The following BIRC6 variants were observed in gnomAD, a reference collection of about 807,000 sequenced individuals.
The protein encoded by BIRC6 is dual E2 ubiquitin-conjugating enzyme/E3 ubiquitin-protein ligase BIRC6.
BIRC6 carries 98 observed loss-of-function variants against 503.3 expected under a neutral mutation model. That is an observed-to-expected ratio of 0.19 (90% CI 0.17 to 0.23). The LOEUF (loss-of-function observed/expected upper bound fraction) is 0.23. BIRC6 is among the 10% of genes least tolerant of loss of function. BIRC6 has a pLI of 1.00. For synonymous variants in BIRC6, 2,240 were observed against 2,078.7 expected (o/e 1.08, Z -2.11); for missense variants, 5,360 against 5,806.0 (o/e 0.92, Z 2.50).
intron 9 of BIRC6, among the ~76,000 whole-genome samples, chr2:32,413,752 C>T (rs2042141007): frequency 6.6e-6 from 1 of 151,198 alleles, no homozygotes; most frequent in Non-Finnish European, 1.5e-5. Context: ...GGATTGGTTC[C>T]AGGACCCTCT....
chr2:32,437,248 A>G (rs571338234), intron 15 of BIRC6, among the ~76,000 whole-genome samples: 41 of 152,314 alleles, frequency 2.7e-4, no homozygotes, highest in Admixed American at 9.8e-4. Context: ...TTTGAGTGTC[A>G]TAAACAAATG....
At chr2:32,540,466 T>C (rs2057574836) in intron 61 of BIRC6, among the ~76,000 whole-genome samples, 1 of 152,048 alleles carries the variant, frequency 6.6e-6, no homozygotes, top group South Asian at 2.1e-4. Context: ...CTTTGGGAAA[T>C]TGAGCTGTTT....
At chr2:32,464,416 T>A in intron 24 of BIRC6, 93 bp from the exon 25 acceptor site, 1 of 1,350,750 alleles carries the variant, frequency 7.4e-7, no homozygotes. Flanking sequence ...AATTTAATCA[T>A]GTTTATCTTC....
intron 61 of BIRC6, among the ~76,000 whole-genome samples, chr2:32,538,374 A>C (rs972664696): frequency 2.0e-5 from 3 of 152,208 alleles, no homozygotes; most frequent in Non-Finnish European, 4.4e-5. Flanking sequence ...GATACAATTT[A>C]CAGTTTTAGT....
chr2:32,484,311 G>A (rs1489747034), intron 39 of BIRC6, among the ~76,000 whole-genome samples: 2 of 152,100 alleles, frequency 1.3e-5, no homozygotes, highest in Non-Finnish European at 2.9e-5. Context: ...CCAGCACTTG[G>A]GAGGCCGAGG....
At position 32,508,235 on chromosome 2, in the gene BIRC6, C is replaced by G. The variant is rs2053998305; in HGVS notation, c.9956C>G (p.Ser3319Cys). 6.4e-7 allele frequency: 1 copy of G among 1,553,252 alleles called. No individual in the cohort carries two copies. The highest frequency in any genetic ancestry group is 1.5e-5 in the African/African-American group (1 of 67,878). Residue 3319 changes from serine to cysteine, a missense_variant, in exon 51 of 74, where the codon TCT (serine) becomes TGT (cysteine). Transcript: ENST00000421745. ...SATVNNPFLP[S>C]EDQVSKTSIG... ...ACAGTTAATAATCCATTCCTTCCAT[C>G]TGAAGATCAGGTATCCAAAACAAGG...
At chr2:32,437,500 T>C (rs898970888) in intron 15 of BIRC6, among the ~76,000 whole-genome samples, 13 of 152,226 alleles carry the variant, frequency 8.5e-5, no homozygotes, top group African/African-American at 3.1e-4. Context: ...TGCTTCCTAA[T>C]GTTTGTCCAC....
At chr2:32,405,577 C>G (rs536704353) in intron 8 of BIRC6, among the ~76,000 whole-genome samples, 1 of 152,132 alleles carries the variant, frequency 6.6e-6, no homozygotes, top group South Asian at 2.1e-4. Flanking sequence ...GAGACCGAGG[C>G]GGGAGGATCA....
Position 32,518,415 on chromosome 2 carries a change from A to G in BIRC6, c.11493+18A>G, listed in dbSNP as rs1331923211. The G allele has an allele frequency of 6.3e-7, 1 of 1,596,838 alleles. No individual in the cohort carries two copies. Among genetic ancestry groups the G allele is most frequent in the Non-Finnish European group, 8.5e-7 (1 of 1,175,954 alleles). On this transcript the variant is annotated intron_variant, in intron 56 of 73. Coordinates refer to ENST00000421745, the MANE Select transcript of BIRC6 (RefSeq NM_016252.4). ...CATGTCCAGTGAGTATTTAACACTT[A>G]ATCATTGGCTGTGTATACATGTATT...
chr2:32,463,259 A>G lies in BIRC6; in HGVS notation c.4819A>G (p.Thr1607Ala). 3 of 1,613,734 alleles carry G rather than the reference A, an allele frequency of 1.9e-6. No individual in the cohort carries two copies. Among genetic ancestry groups the G allele is most frequent in the South Asian group, 1.1e-5 (1 of 90,988 alleles). Residue 1607 changes from threonine to alanine, a missense_variant, in exon 24 of 74, where the codon ACA becomes GCA. Transcript: ENST00000421745. The part of the protein sequence containing the change: ...LSSGTVGEAS[T>A]ALSSAAQVAL... ...ATCTGGGACAGTTGGGGAAGCCTCG[A>G]CAGCCCTGAGTTCAGCAGCCCAGGT...
chr2:32,481,465 G>A lies in BIRC6; in HGVS notation c.7542+12G>A. The A allele has an allele frequency of 1.3e-6, 2 of 1,595,776 alleles. No individual in the cohort carries two copies. Among genetic ancestry groups the A allele is most frequent in the Non-Finnish European group, 8.5e-7 (1 of 1,171,138 alleles). ...CCAAGGTTTTTAAGGTATGATACAT[G>A]AGAATAGTCTTTGAAAGGAGGCCGG... On this transcript the variant is annotated intron_variant, in intron 38 of 73. Transcript: ENST00000421745.
intron 10 of BIRC6, among the ~76,000 whole-genome samples, chr2:32,427,443 G>A (rs551438529): frequency 2.0e-5 from 3 of 151,920 alleles, no homozygotes; most frequent in Non-Finnish European, 4.4e-5. Context: ...CTGCCACCAC[G>A]CCTGTCTAAT....
intron 1 of BIRC6, among the ~76,000 whole-genome samples, chr2:32,361,334 T>C (rs2034048991): frequency 6.6e-6 from 1 of 152,182 alleles, no homozygotes. Context: ...AGTAAACACA[T>C]TCCTTGACTT....
chr2:32,582,642 G>A (rs925827729), intron 66 of BIRC6, among the ~76,000 whole-genome samples: 1 of 152,104 alleles, frequency 6.6e-6, no homozygotes, highest in Non-Finnish European at 1.5e-5. Flanking sequence ...GCACGCACCC[G>A]TAATCCCAGC....
At chr2:32,379,715 TATGTGGATAACA>T (rs2037348348) in intron 2 of BIRC6, 1 of 153,284 alleles carries the variant, frequency 6.5e-6, no homozygotes. Context: ...TCATATTGAA[TATGTGGATAACA>T]ATGCAAAGGG....
chr2:32,518,188 A>G (rs1558953318), intron 55 of BIRC6, 66 bp from the exon 56 acceptor site: 2 of 1,425,394 alleles, frequency 1.4e-6, no homozygotes, highest in Non-Finnish European at 1.9e-6. Context: ...TTTCCTTTTT[A>G]TCTTTCAAAA....
rs1363367280 is a variant in BIRC6, at chr2:32,525,578, A to T, written c.11870A>T (p.Asn3957Ile). ...IGSTSGAEAA[N>I]KIITVPVFHL... ...AGTACTTCAGGAGCAGAGGCTGCCA[A>T]CAAAATAATTACTGTCCCAGTGTTT... The change falls in exon 59 of 74, where the codon AAC (asparagine) becomes ATC (isoleucine). Residue 3957 changes from asparagine (N) to isoleucine (I), a missense_variant. By Grantham distance (149) the Asn-to-Ile change is moderately radical. Coordinates refer to ENST00000421745, the MANE Select transcript of BIRC6 (RefSeq NM_016252.4). The T allele has an allele frequency of 3.1e-6, 5 of 1,613,986 alleles. No homozygotes were observed. Among genetic ancestry groups the T allele is most frequent in the Non-Finnish European group, 4.2e-6 (5 of 1,179,882 alleles).
chr2:32,485,552 C>T, intron 39 of BIRC6, 91 bp from the exon 40 acceptor site: 1 of 807,876 alleles, frequency 1.2e-6, no homozygotes, highest in Non-Finnish European at 2.0e-6. Flanking sequence ...TTCATCCTCT[C>T]TTGGGTTCAG....
intron 10 of BIRC6, 120 bp from the exon 11 acceptor site, chr2:32,429,026 T>G (rs1292300745): frequency 2.4e-5 from 21 of 864,328 alleles, no homozygotes; most frequent in Non-Finnish European, 3.0e-5. Flanking sequence ...ATACATCACA[T>G]TGGTAGCTTT....
Sources: gnomAD v4.1 joint callset for allele counts (sites outside exome capture counted in the v4.1 genomes callset) on GRCh38, gnomAD v4.1.1 for gene constraint, MANE v1.5 for transcripts, NCBI Gene and HGNC (gene_info 2026-07-23, HGNC 2026-07-21) for gene names.